UBE2E2: variants seen among roughly 807,000 people sequenced by gnomAD.
UBE2E2 encodes the protein ubiquitin-conjugating enzyme E2 E2.
Under a neutral mutation model 24.7 loss-of-function variants are expected in UBE2E2, and 6 were observed. That is an observed-to-expected ratio of 0.24 (90% confidence interval 0.13 to 0.48). The LOEUF is 0.48. Among genes scored for constraint, UBE2E2 ranks in the 20% least tolerant of loss-of-function variants. The pLI, the probability that UBE2E2 is intolerant of heterozygous loss-of-function variation, is 0.99. For synonymous variants in UBE2E2, 104 were observed against 83.6 expected, an observed-to-expected ratio of 1.24 and a Z score of -1.33; for missense variants, 169 against 245.0, an observed-to-expected ratio of 0.69 and a Z score of 2.07.
chr3:23,405,979 C>G (rs533001579), intron 3 of UBE2E2, among the ~76,000 whole-genome samples: 1 of 152,298 alleles, frequency 6.6e-6, no homozygotes, highest in African/African-American at 2.4e-5. Flanking sequence ...GTTAAAATCT[C>G]AGCCTTTTCT....
intron 3 of UBE2E2, among the ~76,000 whole-genome samples, chr3:23,355,049 A>T (rs897756456): frequency 5.9e-5 from 9 of 152,076 alleles, no homozygotes; most frequent in Admixed American, 2.6e-4. Flanking sequence ...CTATGCAGCC[A>T]TAAAAAATGA....
chr3:23,249,087 A>G (rs951412119), intron 3 of UBE2E2, among the ~76,000 whole-genome samples: 34 of 152,252 alleles, frequency 2.2e-4, no homozygotes, highest in African/African-American at 7.9e-4. Flanking sequence ...CCTGGGCAAC[A>G]TGGCGAAACC....
chr3:23,244,775 T>C (rs530315496), intron 3 of UBE2E2, among the ~76,000 whole-genome samples: 2 of 152,164 alleles, frequency 1.3e-5, no homozygotes, highest in South Asian at 4.1e-4. Context: ...TGAATGATTG[T>C]ATTGGAGAAA....
In UBE2E2 at chr3:23,426,625, T is replaced by G. The variant is rs531706207; in HGVS notation, c.228-72983T>G. ...AGAGAAAAAAACTTCCAGCCAAAAA[T>G]TCCATACCCTGCAAAGTTATTCTTC... On this transcript the variant is annotated intron_variant, in intron 3 of 5. Transcript: ENST00000396703. Among the ~76,000 whole-genome samples the G allele has an allele frequency of 5.3e-5, 8 of 152,264 alleles. No homozygotes were observed. In the East Asian group the frequency reaches 1.5e-3, roughly 29 times the overall value.
At chr3:23,276,916 G>T (rs1698385592) in intron 3 of UBE2E2, among the ~76,000 whole-genome samples, 1 of 151,954 alleles carries the variant, frequency 6.6e-6, no homozygotes, top group Non-Finnish European at 1.5e-5. Flanking sequence ...CTTGCTTAAG[G>T]AAGAGGAAAA....
chr3:23,418,971 T>TG, intron 3 of UBE2E2, among the ~76,000 whole-genome samples: 1 of 151,458 alleles, frequency 6.6e-6, no homozygotes, highest in South Asian at 2.1e-4. Flanking sequence ...TTTTTTTTTT[T>TG]GAGTCAGGGT....
chr3:23,502,683 G>A (rs1263893190), intron 4 of UBE2E2, among the ~76,000 whole-genome samples: 7 of 152,058 alleles, frequency 4.6e-5, no homozygotes, highest in African/African-American at 7.3e-5. Flanking sequence ...CTAATAAGGC[G>A]AGCAAAACAA....
chr3:23,308,927 A>G (rs1433524505), intron 3 of UBE2E2, among the ~76,000 whole-genome samples: 1 of 152,180 alleles, frequency 6.6e-6, no homozygotes, highest in African/African-American at 2.4e-5. Flanking sequence ...CCACAGTCCA[A>G]AGGCTGAAGA....
At chr3:23,290,889 T>TAAAA (rs71051209) in intron 3 of UBE2E2, among the ~76,000 whole-genome samples, 2 of 86,740 alleles carry the variant, frequency 2.3e-5, no homozygotes, top group African/African-American at 4.8e-5. Flanking sequence ...ACTGTGTGTC[T>TAAAA]AAAAAAAAAA....
chr3:23,550,286 C>G (rs1170985319), intron 5 of UBE2E2, among the ~76,000 whole-genome samples: 4 of 151,960 alleles, frequency 2.6e-5, no homozygotes, highest in Non-Finnish European at 4.4e-5. Flanking sequence ...CTCTTTATTC[C>G]CAGCACCTAT....
chr3:23,441,246 C>T (rs562976123), intron 3 of UBE2E2, among the ~76,000 whole-genome samples: 2 of 151,878 alleles, frequency 1.3e-5, no homozygotes, highest in South Asian at 2.1e-4. Flanking sequence ...GAAGGCCGGG[C>T]GCAGTGGCTC....
At chr3:23,294,029 A>C (rs1037323262) in intron 3 of UBE2E2, among the ~76,000 whole-genome samples, 2 of 152,256 alleles carry the variant, frequency 1.3e-5, no homozygotes, top group Non-Finnish European at 2.9e-5. Context: ...GTTCTTAGGC[A>C]ATGAGGATGC....
chr3:23,435,917 G>C (rs71322188), intron 3 of UBE2E2, among the ~76,000 whole-genome samples: 14,359 of 152,066 alleles, frequency 0.094, 816 homozygotes, highest in Non-Finnish European at 0.12. Context: ...GGGGCAGGCT[G>C]GTTTGGGGAT....
At chr3:23,401,159 G>A (rs1448871496) in intron 3 of UBE2E2, among the ~76,000 whole-genome samples, 1 of 152,196 alleles carries the variant, frequency 6.6e-6, no homozygotes, top group Non-Finnish European at 1.5e-5. Context: ...TAAGGAACCA[G>A]CTAGTGCAGA....
At chr3:23,440,603 C>G (rs1168514447) in intron 3 of UBE2E2, among the ~76,000 whole-genome samples, 1 of 152,176 alleles carries the variant, frequency 6.6e-6, no homozygotes, top group East Asian at 1.9e-4. Flanking sequence ...CCAAACAAAT[C>G]TGTCAGGCTT....
chr3:23,304,019 C>G (rs1425755956), intron 3 of UBE2E2, among the ~76,000 whole-genome samples: 1 of 152,194 alleles, frequency 6.6e-6, no homozygotes, highest in African/African-American at 2.4e-5. Flanking sequence ...ACTACTCTCC[C>G]TATCTTTAGT....
In UBE2E2 at chr3:23,480,647, G is replaced by A. The variant is rs73043638; in HGVS notation, c.228-18961G>A. The stretch of plus-strand genomic sequence containing the variant: ...TGTCTCAGGAAAAAAAAAAAAAAAA[G>A]AAGAGGATTCAGAGATCCAAGAAAG... On this transcript the variant is annotated intron_variant, in intron 3 of 5. Transcript: ENST00000396703. Among the ~76,000 whole-genome samples, 225 of 98,008 alleles carry A rather than the reference G, an allele frequency of 2.3e-3. 3 individuals are homozygous for A. The highest frequency in any genetic ancestry group is 2.4e-3 in the East Asian group (7 of 2,926). The allele number at this position is 98,008 out of a possible 152,430, so 64.3% of individuals were successfully genotyped here.
intron 5 of UBE2E2, among the ~76,000 whole-genome samples, chr3:23,544,979 T>C (rs1225725880): frequency 1.3e-5 from 2 of 152,198 alleles, no homozygotes; most frequent in Non-Finnish European, 2.9e-5. Context: ...TGCTTTTAGA[T>C]ATGCATACAC....
chr3:23,356,609 T>C (rs1695960614), intron 3 of UBE2E2, among the ~76,000 whole-genome samples: 1 of 152,222 alleles, frequency 6.6e-6, no homozygotes, highest in Non-Finnish European at 1.5e-5. Context: ...TTCTTTTATG[T>C]ATCCCAAAAA....
Sources: allele counts gnomAD v4.1 joint callset (sites outside exome capture counted in the v4.1 genomes callset), GRCh38; gene constraint gnomAD v4.1.1; transcripts MANE v1.5; gene names NCBI Gene and HGNC (gene_info 2026-07-23, HGNC 2026-07-21).